The following USH2A variants were observed in gnomAD, a reference collection of about 807,000 sequenced individuals.
USH2A encodes Usher syndrome 2A (autosomal recessive, mild).
Under a neutral mutation model 538.9 loss-of-function variants are expected in USH2A, and 443 were observed. The observed-to-expected ratio is 0.82, with a 90% CI of 0.76 to 0.89. The LOEUF (loss-of-function observed/expected upper bound fraction) is 0.89. Among genes scored for constraint, USH2A ranks in the 40% least tolerant of loss-of-function variants. The pLI, the probability that USH2A is intolerant of heterozygous loss-of-function variation, is 0.00. For missense variants in USH2A, 6,633 were observed against 6,324.8 expected (o/e 1.05, Z -1.65); for synonymous variants, 2,413 against 2,273.5 (o/e 1.06, Z -1.75).
intron 3 of USH2A, among the ~76,000 whole-genome samples, chr1:216,381,521 A>G (rs1353430070): frequency 1.3e-5 from 2 of 152,146 alleles, no homozygotes; most frequent in Non-Finnish European, 2.9e-5. Context: ...TACTAGGGGG[A>G]AAAGTGGAAA....
chr1:216,399,550 A>G (rs761550315), intron 3 of USH2A, among the ~76,000 whole-genome samples: 4 of 152,100 alleles, frequency 2.6e-5, no homozygotes, highest in Admixed American at 6.5e-5. Context: ...CCTGGCATCA[A>G]TGAGGCAGAA....
intron 4 of USH2A, among the ~76,000 whole-genome samples, chr1:216,332,015 C>G (rs942646125): frequency 2.6e-5 from 4 of 152,100 alleles, no homozygotes; most frequent in Admixed American, 2.6e-4. Context: ...GTAAGAACAA[C>G]ATGTTCTATG....
chr1:216,060,106 AG>A (rs1370111469), intron 30 of USH2A, among the ~76,000 whole-genome samples: 1 of 152,232 alleles, frequency 6.6e-6, no homozygotes, highest in Non-Finnish European at 1.5e-5. Flanking sequence ...TTGCAAGCCT[AG>A]CAGGTGAAAG....
chr1:216,252,848 T>C (rs918871117), intron 11 of USH2A, among the ~76,000 whole-genome samples: 2 of 152,196 alleles, frequency 1.3e-5, no homozygotes, highest in Non-Finnish European at 2.9e-5. Flanking sequence ...TATTGGTGGA[T>C]ATGTGTAACA....
At chr1:216,102,895 T>C (rs989562259) in intron 21 of USH2A, among the ~76,000 whole-genome samples, 1 of 152,196 alleles carries the variant, frequency 6.6e-6, no homozygotes, top group Non-Finnish European at 1.5e-5. Flanking sequence ...CCCACCCAAA[T>C]GCATAGGGTC....
At chr1:216,150,690 T>C (rs2033812969) in intron 21 of USH2A, among the ~76,000 whole-genome samples, 1 of 152,030 alleles carries the variant, frequency 6.6e-6, no homozygotes, top group African/African-American at 2.4e-5. Flanking sequence ...CCGCCCTCCT[T>C]CGCACTTATT....
intron 70 of USH2A, 106 bp downstream of exon 70, chr1:215,634,353 T>TA: frequency 6.4e-7 from 1 of 1,570,066 alleles, no homozygotes; most frequent in South Asian, 1.1e-5. Context: ...AAACATAACT[T>TA]ACATCTAATT....
chr1:216,106,552 C>T (rs1248041245), intron 21 of USH2A, among the ~76,000 whole-genome samples: 1 of 151,278 alleles, frequency 6.6e-6, no homozygotes, highest in East Asian at 1.9e-4. Context: ...CTCTCTTCCT[C>T]TCCTTTTCTC....
At chr1:216,208,822 G>A (rs997703249) in intron 15 of USH2A, among the ~76,000 whole-genome samples, 2 of 152,202 alleles carry the variant, frequency 1.3e-5, no homozygotes, top group African/African-American at 4.8e-5. Flanking sequence ...AGTAGAGATA[G>A]AATGGGCCTA....
intron 4 of USH2A, among the ~76,000 whole-genome samples, chr1:216,337,657 T>C (rs2037999344): frequency 6.6e-6 from 1 of 151,250 alleles, no homozygotes; most frequent in Non-Finnish European, 1.5e-5. Flanking sequence ...CCAAGATTGT[T>C]AAAGGAATGT....
intron 37 of USH2A, among the ~76,000 whole-genome samples, chr1:215,949,967 T>C (rs1031360238): frequency 1.3e-5 from 2 of 152,068 alleles, no homozygotes; most frequent in African/African-American, 4.8e-5. Flanking sequence ...TTGGTCTCAA[T>C]AGGAATAAAA....
At chr1:216,271,770 T>C (rs1352704488) in intron 11 of USH2A, among the ~76,000 whole-genome samples, 2 of 152,132 alleles carry the variant, frequency 1.3e-5, no homozygotes, top group Admixed American at 6.6e-5. Flanking sequence ...TTGAGATGAT[T>C]ACCTGGGAAT....
chr1:216,092,793 C>G lies in USH2A; in HGVS notation c.4759-3654G>C, dbSNP rs532106087. 4.4e-4 allele frequency among the ~76,000 whole-genome samples: 67 copies of G among 152,274 alleles called. 1 individual carries two copies. The highest frequency in any genetic ancestry group is 8.8e-4 in the Non-Finnish European group (60 of 68,020). ...AATGCATCTGATTACATTTTCTCAGCTAGATCCTAAGGCCATCCTGCTCAA... is the reference window on the plus strand; with the variant it reads ...AATGCATCTGATTACATTTTCTCAGGTAGATCCTAAGGCCATCCTGCTCAA... On this transcript the variant is annotated intron_variant, in intron 22 of 71. Transcript: ENST00000307340.
At chr1:216,058,172 G>GATA (rs2031047710) in intron 30 of USH2A, among the ~76,000 whole-genome samples, 1 of 126,158 alleles carries the variant, frequency 7.9e-6, no homozygotes, top group Admixed American at 7.5e-5. Context: ...TGAAGTGTGT[G>GATA]GGTCTCGCCT....
intron 61 of USH2A, among the ~76,000 whole-genome samples, chr1:215,712,814 T>C (rs760406351): frequency 6.8e-6 from 1 of 147,952 alleles, no homozygotes; most frequent in Non-Finnish European, 1.5e-5. Context: ...TTTTGTTCTT[T>C]CTTTTATTTT....
At chr1:215,630,503 T>G (rs1277714382) in intron 70 of USH2A, among the ~76,000 whole-genome samples, 1 of 133,860 alleles carries the variant, frequency 7.5e-6, no homozygotes, top group African/African-American at 2.9e-5. Context: ...TATATATATA[T>G]ATATATATAT....
At chr1:216,096,463 T>A (rs1406007836) in intron 22 of USH2A, among the ~76,000 whole-genome samples, 3 of 152,232 alleles carry the variant, frequency 2.0e-5, no homozygotes, top group Admixed American at 6.5e-5. Flanking sequence ...TTCATTGATT[T>A]GTATCTCAGT....
intron 71 of USH2A, among the ~76,000 whole-genome samples, 192 bp downstream of exon 71, chr1:215,628,622 G>A (rs1656143803): frequency 6.6e-6 from 1 of 152,180 alleles, no homozygotes; most frequent in Non-Finnish European, 1.5e-5. Flanking sequence ...CATACCAGAA[G>A]AACAAGACAA....
At chr1:215,973,401 C>T (rs114047053) in intron 35 of USH2A, among the ~76,000 whole-genome samples, 5,471 of 152,198 alleles carry the variant, frequency 0.036, 94 homozygotes, top group African/African-American at 0.04. Context: ...TACACACTTA[C>T]CTGTCTTCTC....
Sources: allele counts gnomAD v4.1 joint callset (sites outside exome capture counted in the v4.1 genomes callset), GRCh38; gene constraint gnomAD v4.1.1; transcripts MANE v1.5; gene names NCBI Gene and HGNC (gene_info 2026-07-23, HGNC 2026-07-21).